Variants in DHRS3 observed in about 807,000 individuals in gnomAD.
DHRS3 encodes the protein dehydrogenase/reductase 3.
Under a neutral mutation model 27.2 loss-of-function variants are expected in DHRS3, and 14 were observed. The ratio of observed to expected loss-of-function variants is 0.52; its 90% CI spans 0.34 to 0.81. The LOEUF (loss-of-function observed/expected upper bound fraction) is 0.81, where lower values mean the gene tolerates loss of function less well. Among genes scored for constraint, DHRS3 ranks in the 30% least tolerant of loss-of-function variants. The pLI is 0.01. For synonymous variants in DHRS3, 165 were observed against 175.9 expected, an observed-to-expected ratio of 0.94 and a Z score of 0.49; for missense variants, 322 against 406.2, an observed-to-expected ratio of 0.79 and a Z score of 1.78.
chr1:12,582,068 C>G (rs1646649079), intron 1 of DHRS3, among the ~76,000 whole-genome samples: 1 of 152,184 alleles, frequency 6.6e-6, no homozygotes, highest in Admixed American at 6.5e-5. Flanking sequence ...GGAAGGTAAA[C>G]ATTTTAAACT....
At chr1:12,600,505 C>G (rs539631030) in intron 1 of DHRS3, 206 of 548,468 alleles carry the variant, frequency 3.8e-4, no homozygotes, top group Non-Finnish European at 4.5e-4. Flanking sequence ...TGGACAGACG[C>G]CATGTGGGTG....
At chr1:12,572,697 T>C (rs1646548389) in intron 5 of DHRS3, 31 bp downstream of exon 5, 1 of 1,563,336 alleles carries the variant, frequency 6.4e-7, no homozygotes. Flanking sequence ...TACTTTCCCC[T>C]GACCCAGAGT....
intron 5 of DHRS3, among the ~76,000 whole-genome samples, chr1:12,570,679 C>G (rs1007263079): frequency 2.0e-5 from 3 of 152,196 alleles, no homozygotes; most frequent in South Asian, 2.1e-4. Flanking sequence ...CTCTAGAAAG[C>G]TCTGGAAGTC....
In DHRS3 at chr1:12,582,332, C is replaced by T. The variant is rs59508046; in HGVS notation, c.196-1666G>A. On this transcript the variant is annotated intron_variant, in intron 1 of 5. Coordinates refer to ENST00000616661, the MANE Select transcript of DHRS3 (RefSeq NM_004753.7). ...ATTTTTTAAATTAGAGTTTTAAAAG[C>T]TTTCAAAATATTTTACAAAAAAATA... 3.2e-3 allele frequency among the ~76,000 whole-genome samples: 483 copies of T among 152,284 alleles called. 5 individuals are homozygous for T. Among genetic ancestry groups the T allele is most frequent in the African/African-American group, 0.01 (435 of 41,560 alleles).
chr1:12,598,666 T>C (rs1646815930), intron 1 of DHRS3, among the ~76,000 whole-genome samples: 1 of 152,220 alleles, frequency 6.6e-6, no homozygotes, highest in African/African-American at 2.4e-5. Flanking sequence ...ATATGGCCTA[T>C]CTGCTGGATT....
At chr1:12,584,797 G>T (rs1439133013) in intron 1 of DHRS3, among the ~76,000 whole-genome samples, 1 of 152,222 alleles carries the variant, frequency 6.6e-6, no homozygotes, top group African/African-American at 2.4e-5. Flanking sequence ...GGCTCTGGCT[G>T]CTGTGCGCAT....
rs1646766936 is a variant in DHRS3 at position 12,593,968 on chromosome 1, C to T, written c.196-13302G>A. ...TCTGACTGCCCAGGGCCGCACTTGG[C>T]AAAACACGGAGGCAGAGAAACTCAG... On this transcript the variant is annotated intron_variant, in intron 1 of 5. Transcript: ENST00000616661. This position sits in a 1 kb window ranked among gnomAD's most constrained non-coding sequence, Gnocchi z 4.6. Among the ~76,000 whole-genome samples the T allele has an allele frequency of 6.6e-6, 1 of 152,208 alleles. No homozygotes were observed. The highest frequency in any genetic ancestry group is 2.4e-5 in the African/African-American group (1 of 41,454).
At position 12,586,934 on chromosome 1, in the gene DHRS3, G is replaced by A. The variant is rs1051527537; in HGVS notation, c.196-6268C>T. On this transcript the variant is annotated intron_variant, in intron 1 of 5. Coordinates refer to ENST00000616661, the MANE Select transcript of DHRS3 (RefSeq NM_004753.7). The surrounding 1 kb of genome is among the most constrained non-coding windows in gnomAD (Gnocchi z 5.0). ...TACCCACTCCCTGTTGGTATTTCCC[G>A]TGGGGAGGAAAAGCTGAGAAAATCA... Among the ~76,000 whole-genome samples the A allele has an allele frequency of 3.3e-5, 5 of 152,188 alleles. No homozygotes were observed. The highest frequency in any genetic ancestry group is 2.1e-4 in the South Asian group (1 of 4,812).
At chr1:12,580,203 T>A in intron 2 of DHRS3, 1 of 404,462 alleles carries the variant, frequency 2.5e-6, no homozygotes, top group South Asian at 2.2e-5. Flanking sequence ...CACTGATATA[T>A]TTAGCCCAAA....
chr1:12,602,205 G>T (rs1260382307), intron 1 of DHRS3, among the ~76,000 whole-genome samples: 1 of 152,210 alleles, frequency 6.6e-6, no homozygotes, highest in Non-Finnish European at 1.5e-5. Flanking sequence ...AAGTTGGATG[G>T]TTGTGGGGGT....
At position 12,617,228 on chromosome 1, in the gene DHRS3, C is replaced by A; in HGVS notation, c.121G>T (p.Val41Phe). 1.2e-6 allele frequency: 2 copies of A among 1,613,634 alleles called. No homozygotes were observed. The highest frequency in any genetic ancestry group is 1.7e-6 in the Non-Finnish European group (2 of 1,179,962). The change falls in exon 1 of 6, where the codon GTC (valine) becomes TTC (phenylalanine). Residue 41 changes from valine (V) to phenylalanine (F), a missense_variant. Physicochemically the swap from Val to Phe is conservative, Grantham distance 50. Coordinates refer to ENST00000616661, the MANE Select transcript of DHRS3 (RefSeq NM_004753.7). ...AKLRDLSRENVLITGGGRGIG... is the reference protein window; with the variant it reads ...AKLRDLSRENFLITGGGRGIG... ...CCTCTCCCGCCGCCGGTGATGAGGA[C>A]GTTCTCCCGCGACAGGTCCCGCAGC...
intron 5 of DHRS3, among the ~76,000 whole-genome samples, chr1:12,569,087 G>A (rs905590223): frequency 1.5e-4 from 23 of 151,962 alleles, no homozygotes; most frequent in Non-Finnish European, 3.2e-4. Context: ...GCGTGGTGGT[G>A]GGCACCTGTA....
At chr1:12,605,614 A>AT (rs200225791) in intron 1 of DHRS3, among the ~76,000 whole-genome samples, 14 of 152,096 alleles carry the variant, frequency 9.2e-5, no homozygotes, top group African/African-American at 2.9e-4. Context: ...TATATTTGAG[A>AT]TTTTTTTTGC....
rs1646763632 is a variant in DHRS3 at position 12,593,486 on chromosome 1, G to A, written c.196-12820C>T. ...CCCAAAGTGCTGGGATTACAGGAGTGAGGTACCACACCTGGCCACCTTCTC... is the reference window on the plus strand; with the variant it reads ...CCCAAAGTGCTGGGATTACAGGAGTAAGGTACCACACCTGGCCACCTTCTC... On this transcript the variant is annotated intron_variant, in intron 1 of 5. Transcript: ENST00000616661. This position sits in a 1 kb window ranked among gnomAD's most constrained non-coding sequence, Gnocchi z 4.6. Among the ~76,000 whole-genome samples, 1 of 152,118 alleles carries A rather than the reference G, an allele frequency of 6.6e-6. No homozygotes were observed. The highest frequency in any genetic ancestry group is 1.5e-5 in the Non-Finnish European group (1 of 68,016).
At chr1:12,601,777 T>C (rs1646837521) in intron 1 of DHRS3, among the ~76,000 whole-genome samples, 1 of 152,176 alleles carries the variant, frequency 6.6e-6, no homozygotes, top group Non-Finnish European at 1.5e-5. Context: ...AGCTGTGTGA[T>C]TCTAAGTTAC....
At chr1:12,603,648 G>C (rs1646850518) in intron 1 of DHRS3, among the ~76,000 whole-genome samples, 1 of 152,180 alleles carries the variant, frequency 6.6e-6, no homozygotes, top group Non-Finnish European at 1.5e-5. Context: ...GTTGGGGGAG[G>C]TGGGACGCAG....
intron 2 of DHRS3, 153 bp downstream of exon 2, chr1:12,580,370 G>C: frequency 2.1e-6 from 2 of 956,628 alleles, no homozygotes; most frequent in Non-Finnish European, 3.3e-6. Flanking sequence ...ATGTAACTGG[G>C]GCCAGCTTCA....
chr1:12,600,530 G>GT, intron 1 of DHRS3: 1 of 338,042 alleles, frequency 3.0e-6, no homozygotes, highest in Non-Finnish European at 4.2e-6. Context: ...TGGCAGGACT[G>GT]CCTGCCTGCA....
At chr1:12,597,018 G>A (rs1298681281) in intron 1 of DHRS3, among the ~76,000 whole-genome samples, 3 of 152,064 alleles carry the variant, frequency 2.0e-5, no homozygotes, top group African/African-American at 7.2e-5. Flanking sequence ...TCCCCTACTT[G>A]GACCTCATTA....
Sources: allele counts gnomAD v4.1 joint callset (sites outside exome capture counted in the v4.1 genomes callset), GRCh38; gene constraint gnomAD v4.1.1; non-coding constraint Gnocchi (gnomAD v3.1); transcripts MANE v1.5; gene names NCBI Gene and HGNC (gene_info 2026-07-23, HGNC 2026-07-21).